Variants in SLC25A21 observed in about 807,000 individuals in gnomAD.
SLC25A21 encodes solute carrier family 25 member 21.
In SLC25A21, 47 loss-of-function variants were observed where a neutral mutation model predicts 43.8. That is an observed-to-expected ratio of 1.07 (90% CI 0.85 to 1.37). The LOEUF is 1.37. Among genes scored for constraint, SLC25A21 ranks in the 40% most tolerant of loss-of-function variants. The probability of loss-of-function intolerance (pLI) is 0.00; values close to 1 mark genes in which losing one functional copy is unlikely to be tolerated. For missense variants in SLC25A21, 352 were observed against 350.2 expected (o/e 1.00, Z -0.04); for synonymous variants, 131 against 121.3 (o/e 1.08, Z -0.52).
chr14:36,703,568 G>A (rs112050726), intron 7 of SLC25A21, among the ~76,000 whole-genome samples: 4 of 152,130 alleles, frequency 2.6e-5, no homozygotes, highest in Admixed American at 6.5e-5. Flanking sequence ...AACACAAAAG[G>A]TCTATTGTTT....
intron 3 of SLC25A21, among the ~76,000 whole-genome samples, chr14:36,796,373 A>C (rs1164546664): frequency 7.0e-6 from 1 of 142,454 alleles, no homozygotes; most frequent in African/African-American, 2.8e-5. Flanking sequence ...TTATTTATTT[A>C]TTTCTCTCTT....
chr14:37,073,953 C>T (rs1962226408), intron 1 of SLC25A21, among the ~76,000 whole-genome samples: 1 of 151,182 alleles, frequency 6.6e-6, no homozygotes, highest in South Asian at 2.1e-4. Context: ...TCATTTTGTG[C>T]ATCTGAGAAA....
intron 1 of SLC25A21, among the ~76,000 whole-genome samples, chr14:37,000,601 T>C (rs563185393): frequency 1.3e-5 from 2 of 152,208 alleles, no homozygotes; most frequent in African/African-American, 2.4e-5. Flanking sequence ...TCAGATGCCA[T>C]CCAATCTGAG....
intron 6 of SLC25A21, among the ~76,000 whole-genome samples, chr14:36,718,968 T>C (rs746860040): frequency 6.6e-6 from 1 of 152,154 alleles, no homozygotes; most frequent in Non-Finnish European, 1.5e-5. Flanking sequence ...TATGTTCATA[T>C]GTAACGTAGA....
chr14:36,811,539 T>C (rs542132341), intron 3 of SLC25A21, among the ~76,000 whole-genome samples: 1 of 152,102 alleles, frequency 6.6e-6, no homozygotes, highest in South Asian at 2.1e-4. Context: ...TAATCCCAGC[T>C]ATTTTGGGAG....
At position 36,800,020 on chromosome 14, in the gene SLC25A21, C is replaced by T. The variant is rs377008123; in HGVS notation, c.203+13898G>A. On this transcript the variant is annotated intron_variant, in intron 3 of 9. Coordinates refer to ENST00000331299, the MANE Select transcript of SLC25A21 (RefSeq NM_030631.4). ...GTCATACTTTTAATGGCAAAAACTGCTATTACTTTTGCACCAATTTGACAT... is the reference window on the plus strand; with the variant it reads ...GTCATACTTTTAATGGCAAAAACTGTTATTACTTTTGCACCAATTTGACAT... 2.2e-4 allele frequency among the ~76,000 whole-genome samples: 34 copies of T among 152,214 alleles called. 1 individual carries two copies. The East Asian group carries it at 2.5e-3, about 11-fold the overall frequency.
chr14:36,886,278 C>T (rs1260563170), intron 1 of SLC25A21, among the ~76,000 whole-genome samples: 2 of 152,234 alleles, frequency 1.3e-5, no homozygotes, highest in East Asian at 3.9e-4. Flanking sequence ...ACCTTTGTGG[C>T]ACAGTAAATT....
chr14:36,904,266 C>T (rs781061890), intron 1 of SLC25A21, among the ~76,000 whole-genome samples: 6 of 152,232 alleles, frequency 3.9e-5, no homozygotes, highest in African/African-American at 9.6e-5. Context: ...ACATATCATT[C>T]GGGAGAATCT....
At chr14:36,849,944 CTA>C (rs1476284167) in intron 2 of SLC25A21, among the ~76,000 whole-genome samples, 1 of 152,096 alleles carries the variant, frequency 6.6e-6, no homozygotes, top group Non-Finnish European at 1.5e-5. Flanking sequence ...CGTTCTCCAG[CTA>C]TGTGTCAGTC....
At chr14:36,919,079 A>G (rs1240053175) in intron 1 of SLC25A21, among the ~76,000 whole-genome samples, 1 of 151,870 alleles carries the variant, frequency 6.6e-6, no homozygotes, top group Non-Finnish European at 1.5e-5. Context: ...CATATAAAAT[A>G]AATGAATGGA....
At chr14:37,122,393 G>A (rs60439332) in intron 1 of SLC25A21, among the ~76,000 whole-genome samples, 3,802 of 152,204 alleles carry the variant, frequency 0.025, 127 homozygotes, top group Admixed American at 0.093. Flanking sequence ...TCCCTTATTC[G>A]TTCAAAAGAA....
intron 3 of SLC25A21, among the ~76,000 whole-genome samples, chr14:36,747,768 C>T (rs1402890235): frequency 6.6e-6 from 1 of 152,170 alleles, no homozygotes; most frequent in African/African-American, 2.4e-5. Context: ...GAGGTGCCCC[C>T]TAGTGGTATT....
At chr14:36,776,238 C>CTTTTTTTT (rs35856297) in intron 3 of SLC25A21, among the ~76,000 whole-genome samples, 10 of 89,900 alleles carry the variant, frequency 1.1e-4, no homozygotes, top group African/African-American at 5.1e-4. Context: ...TTCTTTCTTT[C>CTTTTTTTT]TTTTTTTTTT....
chr14:37,090,369 G>A (rs904081897), intron 1 of SLC25A21, among the ~76,000 whole-genome samples: 14 of 152,226 alleles, frequency 9.2e-5, no homozygotes, highest in African/African-American at 1.4e-4. Flanking sequence ...TGGATGTGGA[G>A]GATGCCTCCT....
intron 3 of SLC25A21, among the ~76,000 whole-genome samples, chr14:36,749,893 A>G (rs537805055): frequency 6.6e-6 from 1 of 152,170 alleles, no homozygotes; most frequent in East Asian, 1.9e-4. Flanking sequence ...ATTTTTCTTC[A>G]TAGAATGGAT....
chr14:36,794,868 C>A (rs962671224), intron 3 of SLC25A21, among the ~76,000 whole-genome samples: 1 of 144,866 alleles, frequency 6.9e-6, no homozygotes, highest in Non-Finnish European at 1.5e-5. Flanking sequence ...GAAATTGATT[C>A]GAAAGTAAAA....
At chr14:37,037,011 T>C (rs553425500) in intron 1 of SLC25A21, among the ~76,000 whole-genome samples, 44 of 152,312 alleles carry the variant, frequency 2.9e-4, no homozygotes, top group African/African-American at 1.0e-3. Context: ...TATTTTCTCT[T>C]CATAAATGAA....
intron 1 of SLC25A21, among the ~76,000 whole-genome samples, chr14:36,877,221 G>A (rs549332366): frequency 3.3e-5 from 5 of 152,174 alleles, no homozygotes; most frequent in South Asian, 2.1e-4. Context: ...ACCAAATAGC[G>A]CTAGTTGGTA....
At chr14:37,029,446 T>C (rs1961161302) in intron 1 of SLC25A21, among the ~76,000 whole-genome samples, 1 of 152,162 alleles carries the variant, frequency 6.6e-6, no homozygotes, top group Non-Finnish European at 1.5e-5. Flanking sequence ...TGTAATTAAC[T>C]CAATTTTACA....
Sources: gnomAD v4.1 joint callset for allele counts (sites outside exome capture counted in the v4.1 genomes callset) on GRCh38, gnomAD v4.1.1 for gene constraint, MANE v1.5 for transcripts, NCBI Gene and HGNC (gene_info 2026-07-23, HGNC 2026-07-21) for gene names.